LIMA1: variants seen among roughly 807,000 people sequenced by gnomAD.
The protein encoded by LIMA1 is LIM domain and actin binding 1.
Under a neutral mutation model 62.6 loss-of-function variants are expected in LIMA1, and 52 were observed. The observed-to-expected ratio is 0.83, with a 90% CI of 0.67 to 1.05. The LOEUF (loss-of-function observed/expected upper bound fraction) is 1.05. Among genes scored for constraint, LIMA1 ranks in the 50% least tolerant of loss-of-function variants. The pLI is 0.00. For missense variants in LIMA1, 780 were observed against 902.2 expected (o/e 0.86, Z 1.74); for synonymous variants, 302 against 317.8 (o/e 0.95, Z 0.53).
chr12:50,247,449 A>T (rs1199620623), intron 2 of LIMA1, among the ~76,000 whole-genome samples: 1 of 151,902 alleles, frequency 6.6e-6, no homozygotes, highest in East Asian at 1.9e-4. Flanking sequence ...CCATGGCCCC[A>T]GCTGAGATCC....
intron 2 of LIMA1, among the ~76,000 whole-genome samples, chr12:50,235,333 T>C (rs1212306621): frequency 1.4e-5 from 2 of 147,726 alleles, no homozygotes; most frequent in Non-Finnish European, 3.0e-5. Flanking sequence ...GGCTGGAGTA[T>C]AGTGGTGTAA....
intron 10 of LIMA1, among the ~76,000 whole-genome samples, chr12:50,179,725 C>T (rs185439639): frequency 1.3e-5 from 2 of 150,040 alleles, no homozygotes; most frequent in East Asian, 2.0e-4. Context: ...GCATGAGCAA[C>T]TGCACCCAGC....
chr12:50,177,901 A>T lies in LIMA1; in HGVS notation c.1443T>A (p.Leu481=). ...NEEILERPAQ[L]ANARETPHSP... The stretch of plus-strand genomic sequence containing the variant: ...TGTGAGGGGTCTCCCTTGCATTTGC[A>T]AGCTGGGCTGGTCTCTCCAAAATCT... The change falls in exon 11 of 11, where the codon CTT becomes CTA. Residue 481 remains leucine, a synonymous_variant. Transcript: ENST00000341247. 6.2e-7 allele frequency: 1 copy of T among 1,613,954 alleles called. No homozygotes were observed.
chr12:50,244,394 C>T lies in LIMA1; in HGVS notation c.119+4239G>A, dbSNP rs1331832071. Among the ~76,000 whole-genome samples the T allele has an allele frequency of 4.6e-5, 7 of 152,160 alleles. No homozygotes were observed. In the East Asian group the frequency reaches 9.7e-4, roughly 21 times the overall value. Reference sequence around the variant, plus strand: ...CTGGGATTACAGGTGTGAGCCATTGCGCCCAGCCATTTTTTTGTATTTTTA... The same window carrying T: ...CTGGGATTACAGGTGTGAGCCATTGTGCCCAGCCATTTTTTTGTATTTTTA... On this transcript the variant is annotated intron_variant, in intron 2 of 10. Transcript: ENST00000341247.
intron 1 of LIMA1, among the ~76,000 whole-genome samples, chr12:50,257,845 C>T (rs1457194974): frequency 1.3e-5 from 2 of 152,226 alleles, no homozygotes; most frequent in Admixed American, 6.5e-5. Flanking sequence ...CTTCCTGCTT[C>T]GGCCCTCCAA....
At chr12:50,263,819 A>C (rs1260426443) in intron 1 of LIMA1, among the ~76,000 whole-genome samples, 3 of 108,514 alleles carry the variant, frequency 2.8e-5, no homozygotes, top group Admixed American at 1.1e-4. Context: ...GTGTGTCTAT[A>C]TATATATAGA....
intron 4 of LIMA1, among the ~76,000 whole-genome samples, chr12:50,214,325 C>T (rs1002279727): frequency 2.0e-5 from 3 of 152,146 alleles, no homozygotes; most frequent in South Asian, 4.1e-4. Context: ...ACCAATTATC[C>T]ACATTTAAAG....
rs374566973 is a variant in LIMA1 at position 50,177,445 on chromosome 12, C to T, written c.1899G>A (p.Arg633=). The part of the protein sequence containing the change: ...EESVGGRVAE[R]KQVENAKASK... ...AAGCCTTGGCATTTTCCACTTGTTTCCTTTCTGCAACTCTTCCACCCACAG... is the reference window on the plus strand; with the variant it reads ...AAGCCTTGGCATTTTCCACTTGTTTTCTTTCTGCAACTCTTCCACCCACAG... Residue 633 remains arginine, a synonymous_variant, in exon 11 of 11, where the codon AGG becomes AGA. Coordinates refer to ENST00000341247, the MANE Select transcript of LIMA1 (RefSeq NM_016357.5). The T allele has an allele frequency of 9.3e-6, 15 of 1,613,998 alleles. No homozygotes were observed. In the African/African-American group the frequency reaches 1.3e-4, roughly 14 times the overall value.
At chr12:50,197,024 C>G (rs1940943661) in intron 7 of LIMA1, among the ~76,000 whole-genome samples, 1 of 150,688 alleles carries the variant, frequency 6.6e-6, no homozygotes, top group African/African-American at 2.4e-5. Context: ...CCAGGATGTT[C>G]TTCTCTCACC....
chr12:50,278,290 C>T (rs921313582), intron 1 of LIMA1, among the ~76,000 whole-genome samples: 23 of 151,960 alleles, frequency 1.5e-4, no homozygotes, highest in African/African-American at 2.7e-4. Flanking sequence ...GGTGTGGTGG[C>T]GGGCACCTGT....
At chr12:50,201,585 C>T (rs1434090455) in intron 6 of LIMA1, 2 of 925,190 alleles carry the variant, frequency 2.2e-6, no homozygotes, top group Non-Finnish European at 1.3e-6. Flanking sequence ...TTACAATTAA[C>T]TCATCTATTA....
intron 2 of LIMA1, among the ~76,000 whole-genome samples, chr12:50,247,478 G>T (rs537117224): frequency 1.3e-5 from 2 of 152,070 alleles, no homozygotes; most frequent in African/African-American, 4.8e-5. Flanking sequence ...AGCATCAACC[G>T]CCTGACTTGT....
At chr12:50,266,789 A>G (rs921987835) in intron 1 of LIMA1, among the ~76,000 whole-genome samples, 3 of 152,092 alleles carry the variant, frequency 2.0e-5, no homozygotes, top group Non-Finnish European at 2.9e-5. Flanking sequence ...ATTTTTTCCA[A>G]TCTGATAGAT....
chr12:50,201,386 A>G (rs1317956462), intron 6 of LIMA1: 3 of 983,834 alleles, frequency 3.0e-6, no homozygotes, highest in South Asian at 4.7e-5. Context: ...TAATGATACC[A>G]TAAAGAAACC....
rs373254884 is a variant in LIMA1 at position 50,195,891 on chromosome 12, C to CAAA, written c.973-7_973-5dup. On this transcript the variant is annotated splice_polypyrimidine_tract_variant and splice_region_variant and intron_variant, in intron 7 of 10. Transcript: ENST00000341247. ...GGCTATTCTCATTTGCAGAAATCTA[C>CAAA]AAAAAAAAAAAAAAAAAAAAAGTTA... The CAAA allele has an allele frequency of 2.4e-3, 2,588 of 1,094,652 alleles. 1 individual carries two copies. The highest frequency in any genetic ancestry group is 0.012 in the South Asian group (543 of 45,380). The allele number at this position is 1,094,652 out of a possible 1,614,324, so 67.8% of individuals were successfully genotyped here.
intron 1 of LIMA1, among the ~76,000 whole-genome samples, chr12:50,250,290 C>CAAAA (rs11327744): frequency 3.1e-5 from 2 of 64,632 alleles, no homozygotes; most frequent in South Asian, 6.0e-4. Flanking sequence ...AACTCCGTTT[C>CAAAA]AAAAAAAAAA....
Position 50,182,003 on chromosome 12 carries a change from T to C in LIMA1, c.1175A>G (p.Glu392Gly). 6.2e-7 allele frequency: 1 copy of C among 1,613,082 alleles called. No homozygotes were observed. Among genetic ancestry groups the C allele is most frequent in the Non-Finnish European group, 8.5e-7 (1 of 1,180,032 alleles). The stretch of plus-strand genomic sequence containing the variant: ...CATTGGATAGACTGTCTTCTGACAT[T>C]CCACGCAGGTCTCTCTTGCAGGTGC... ...FQAPARETCV[E>G]CQKTVYPMER... Residue 392 changes from glutamate (E) to glycine (G), a missense_variant, in exon 10 of 11, where the codon GAA becomes GGA. Coordinates refer to ENST00000341247, the MANE Select transcript of LIMA1 (RefSeq NM_016357.5).
chr12:50,198,880 A>G (rs1166136956), intron 7 of LIMA1, among the ~76,000 whole-genome samples: 4 of 152,206 alleles, frequency 2.6e-5, no homozygotes, highest in Admixed American at 1.3e-4. Flanking sequence ...TACATAACAC[A>G]CAAATATGAT....
At chr12:50,178,610 G>T (rs1940410815) in intron 10 of LIMA1, among the ~76,000 whole-genome samples, 1 of 151,604 alleles carries the variant, frequency 6.6e-6, no homozygotes, top group Admixed American at 6.6e-5. Context: ...ATGTGGCTAT[G>T]CAACCTGGGT....
Sources: gnomAD v4.1 joint callset for allele counts (sites outside exome capture counted in the v4.1 genomes callset) on GRCh38, gnomAD v4.1.1 for gene constraint, MANE v1.5 for transcripts, NCBI Gene and HGNC (gene_info 2026-07-23, HGNC 2026-07-21) for gene names.